The following STPG2 variants were observed in gnomAD, a reference collection of about 807,000 sequenced individuals.
STPG2 encodes sperm tail PG-rich repeat containing 2.
STPG2 carries 56 observed loss-of-function variants against 54.2 expected under a neutral mutation model. The ratio of observed to expected loss-of-function variants is 1.03; its 90% CI spans 0.83 to 1.29. STPG2 has a LOEUF of 1.29. Ranked by LOEUF, STPG2 falls within the 50% of genes most tolerant of loss-of-function variation. STPG2 has a pLI of 0.00. For synonymous variants in STPG2, 200 were observed against 181.8 expected (o/e 1.10, Z -0.81); for missense variants, 596 against 544.9 (o/e 1.09, Z -0.93).
At chr4:97,483,390 G>A (rs1730272899) in intron 4 of STPG2, among the ~76,000 whole-genome samples, 1 of 151,764 alleles carries the variant, frequency 6.6e-6, no homozygotes, top group African/African-American at 2.4e-5. Flanking sequence ...GACATTTCCT[G>A]CAAATGGACA....
intron 1 of STPG2, among the ~76,000 whole-genome samples, chr4:98,138,260 T>C (rs1043202234): frequency 1.3e-5 from 2 of 151,974 alleles, no homozygotes; most frequent in Non-Finnish European, 2.9e-5. Context: ...TCTGGGGAAT[T>C]AGAGATGGTA....
intron 4 of STPG2, among the ~76,000 whole-genome samples, chr4:97,480,011 T>C (rs939641845): frequency 1.3e-5 from 2 of 151,768 alleles, no homozygotes; most frequent in African/African-American, 4.8e-5. Flanking sequence ...TAATAAAATA[T>C]ACTTAGCAAG....
At chr4:97,692,704 A>C (rs186147902) in intron 10 of STPG2, among the ~76,000 whole-genome samples, 2 of 152,334 alleles carry the variant, frequency 1.3e-5, no homozygotes, top group East Asian at 3.9e-4. Context: ...AACATCTAGG[A>C]AATGTATTGT....
chr4:97,457,601 C>T (rs575512735), intron 4 of STPG2, among the ~76,000 whole-genome samples: 1 of 152,204 alleles, frequency 6.6e-6, no homozygotes, highest in Non-Finnish European at 1.5e-5. Context: ...ATTCCCAAAT[C>T]ACTGTTTGCT....
chr4:97,464,298 C>T (rs774568241), intron 4 of STPG2, among the ~76,000 whole-genome samples: 12 of 152,118 alleles, frequency 7.9e-5, no homozygotes, highest in South Asian at 2.1e-4. Flanking sequence ...GCATTTACAT[C>T]GCATTAGGTA....
chr4:97,807,853 A>C (rs1052126711), intron 9 of STPG2, among the ~76,000 whole-genome samples: 5 of 152,052 alleles, frequency 3.3e-5, no homozygotes, highest in African/African-American at 9.7e-5. Flanking sequence ...CATCATAGTA[A>C]AATTTTCAAA....
intron 8 of STPG2, among the ~76,000 whole-genome samples, chr4:97,902,945 A>G (rs1486330563): frequency 6.6e-6 from 1 of 152,182 alleles, no homozygotes; most frequent in East Asian, 1.9e-4. Context: ...ATATATATTT[A>G]TATGAATGAA....
At chr4:97,630,399 A>AATTACAT (rs1721236714) in intron 10 of STPG2, among the ~76,000 whole-genome samples, 3 of 151,908 alleles carry the variant, frequency 2.0e-5, no homozygotes, top group African/African-American at 7.2e-5. Context: ...CATACAATGT[A>AATTACAT]GCAAAGATGA....
chr4:98,127,019 A>G (rs1393810023), intron 3 of STPG2, among the ~76,000 whole-genome samples: 1 of 151,984 alleles, frequency 6.6e-6, no homozygotes, highest in African/African-American at 2.4e-5. Flanking sequence ...TCTGGAAAAT[A>G]TAACAGTAAG....
In STPG2 at chr4:97,567,054, A is replaced by G. The variant is rs185768335; in HGVS notation, c.1321-7937T>C. ...TAATAATAATAAAATAAATAAATAA[A>G]TAAAAGAAAGAAATGGCCCCTAAAA... On this transcript the variant is annotated intron_variant, in intron 10 of 10. Transcript: ENST00000295268. Among the ~76,000 whole-genome samples the G allele has an allele frequency of 4.1e-3, 629 of 152,004 alleles. 3 individuals are homozygous for G. The highest frequency in any genetic ancestry group is 0.02 in the South Asian group (98 of 4,810).
intron 4 of STPG2, among the ~76,000 whole-genome samples, chr4:97,444,644 C>G (rs1055463708): frequency 1.3e-5 from 2 of 152,032 alleles, no homozygotes; most frequent in Non-Finnish European, 2.9e-5. Context: ...GTTCATTAGA[C>G]AGAAGACTAA....
chr4:97,903,486 G>C (rs1316532527), intron 8 of STPG2, among the ~76,000 whole-genome samples: 1 of 150,684 alleles, frequency 6.6e-6, no homozygotes, highest in Non-Finnish European at 1.5e-5. Flanking sequence ...AAATAAAGGA[G>C]AAAAATAATA....
intron 9 of STPG2, among the ~76,000 whole-genome samples, chr4:97,761,096 A>G (rs1381948379): frequency 6.6e-6 from 1 of 152,152 alleles, no homozygotes; most frequent in Non-Finnish European, 1.5e-5. Flanking sequence ...TCCCCATCTC[A>G]TAGTCAACCA....
chr4:97,703,051 C>T (rs529312587), intron 10 of STPG2, among the ~76,000 whole-genome samples: 1 of 152,144 alleles, frequency 6.6e-6, no homozygotes, highest in Non-Finnish European at 1.5e-5. Context: ...TTTGGAGCAA[C>T]CAACCAGCTT....
At chr4:97,966,552 AACCCCAAG>A (rs1468682388) in intron 7 of STPG2, among the ~76,000 whole-genome samples, 1 of 152,188 alleles carries the variant, frequency 6.6e-6, no homozygotes, top group Non-Finnish European at 1.5e-5. Context: ...TGAGAATAGC[AACCCCAAG>A]ACACATAATT....
intron 3 of STPG2, among the ~76,000 whole-genome samples, chr4:98,115,625 A>G (rs556084433): frequency 6.6e-6 from 1 of 151,936 alleles, no homozygotes; most frequent in African/African-American, 2.4e-5. Flanking sequence ...TATTTTCTTA[A>G]TTTTCTATCA....
At chr4:97,925,576 C>G (rs534189677) in intron 8 of STPG2, among the ~76,000 whole-genome samples, 1 of 152,046 alleles carries the variant, frequency 6.6e-6, no homozygotes, top group Admixed American at 6.6e-5. Flanking sequence ...AATAAGATAA[C>G]AACAGACCAA....
intron 5 of STPG2, among the ~76,000 whole-genome samples, chr4:98,084,682 AT>A (rs1029854863): frequency 6.6e-6 from 1 of 152,006 alleles, no homozygotes; most frequent in Non-Finnish European, 1.5e-5. Context: ...TGTCACTGTC[AT>A]TTTTGTTTGC....
At chr4:98,022,124 A>T (rs1295783036) in intron 5 of STPG2, among the ~76,000 whole-genome samples, 1 of 152,078 alleles carries the variant, frequency 6.6e-6, no homozygotes, top group Non-Finnish European at 1.5e-5. Context: ...GATGGTCTTT[A>T]CAATTTGGCA....
Sources: gnomAD v4.1 joint callset for allele counts (sites outside exome capture counted in the v4.1 genomes callset) on GRCh38, gnomAD v4.1.1 for gene constraint, MANE v1.5 for transcripts, NCBI Gene and HGNC (gene_info 2026-07-23, HGNC 2026-07-21) for gene names.